The following TMPRSS11F variants were observed in gnomAD, a reference collection of about 807,000 sequenced individuals.
TMPRSS11F encodes the protein transmembrane serine protease 11F.
In TMPRSS11F, 47 loss-of-function variants were observed where a neutral mutation model predicts 60.2. The ratio of observed to expected loss-of-function variants is 0.78; its 90% CI spans 0.62 to 1.00. TMPRSS11F has a LOEUF of 1.00. Among genes scored for constraint, TMPRSS11F ranks in the 50% least tolerant of loss-of-function variants. TMPRSS11F has a pLI of 0.00. For missense variants in TMPRSS11F, 519 were observed against 522.9 expected, an observed-to-expected ratio of 0.99 and a Z score of 0.07; for synonymous variants, 166 against 167.3, an observed-to-expected ratio of 0.99 and a Z score of 0.06.
chr4:68,071,708 T>A lies in TMPRSS11F; in HGVS notation c.514+615A>T, dbSNP rs372579682. ...TTTCCTAAACTTTTTGAACTTCCTT[T>A]TCTTCCGCTTTGGAAGGAAAACAAA... is the stretch of plus-strand genomic sequence containing the variant. On this transcript the variant is annotated intron_variant, in intron 5 of 9. Coordinates refer to ENST00000356291, the MANE Select transcript of TMPRSS11F (RefSeq NM_207407.2). Among the ~76,000 whole-genome samples, 36 of 152,310 alleles carry A rather than the reference T, an allele frequency of 2.4e-4. No individual in the cohort carries two copies. In the East Asian group the frequency reaches 5.2e-3, roughly 22 times the overall value.
intron 9 of TMPRSS11F, among the ~76,000 whole-genome samples, chr4:68,058,485 C>A (rs951311855): frequency 1.3e-5 from 2 of 152,126 alleles, no homozygotes; most frequent in Non-Finnish European, 2.9e-5. Context: ...TGAAAAAAGA[C>A]TTTTTCATTC....
chr4:68,128,938 C>T (rs1724765203), intron 1 of TMPRSS11F, among the ~76,000 whole-genome samples: 1 of 151,976 alleles, frequency 6.6e-6, no homozygotes, highest in Non-Finnish European at 1.5e-5. Context: ...AGCCTACAGG[C>T]TTTAAGTATT....
At position 68,091,757 on chromosome 4, in the gene TMPRSS11F, C is replaced by CTATCTATCTA. The variant is rs1247094446; in HGVS notation, c.164-1117_164-1116insTAGATAGATA. Among the ~76,000 whole-genome samples the CTATCTATCTA allele has an allele frequency of 2.7e-3, 291 of 106,580 alleles. 2 individuals carry two copies. Among genetic ancestry groups the CTATCTATCTA allele is most frequent in the African/African-American group, 9.9e-3 (248 of 25,108 alleles). The allele number at this position is 106,580 out of a possible 152,430, so 69.9% of individuals were successfully genotyped here. On this transcript the variant is annotated intron_variant, in intron 2 of 9. Coordinates refer to ENST00000356291, the MANE Select transcript of TMPRSS11F (RefSeq NM_207407.2). ...CCCATTTAATCTCTAATCTCTCTCT[C>CTATCTATCTA]TCTCTCTCTCTCTCTCTCTCTCTCT...
At chr4:68,098,844 T>C in intron 2 of TMPRSS11F, 43 bp downstream of exon 2, 3 of 1,542,146 alleles carry the variant, frequency 1.9e-6, no homozygotes, top group South Asian at 2.5e-5. Flanking sequence ...AGATACGAAG[T>C]CATGGAGTAC....
At chr4:68,120,804 A>G (rs1472963013) in intron 1 of TMPRSS11F, among the ~76,000 whole-genome samples, 2 of 152,176 alleles carry the variant, frequency 1.3e-5, no homozygotes, top group Admixed American at 1.3e-4. Flanking sequence ...AGCAGCCATG[A>G]ATATTAAGGC....
At chr4:68,065,081 T>C (rs1723297332) in intron 7 of TMPRSS11F, 137 bp from the exon 8 acceptor site, 3 of 802,438 alleles carry the variant, frequency 3.7e-6, no homozygotes, top group Non-Finnish European at 5.6e-6. Flanking sequence ...GTTGATAACA[T>C]AATAGGAAAA....
At chr4:68,054,091 T>C in intron 9 of TMPRSS11F, 24 bp from the exon 10 acceptor site, 1 of 1,603,298 alleles carries the variant, frequency 6.2e-7, no homozygotes, top group Non-Finnish European at 8.5e-7. Flanking sequence ...ATATTTTAAA[T>C]TGTTAACTCT....
At chr4:68,100,534 A>T (rs559827371) in intron 1 of TMPRSS11F, among the ~76,000 whole-genome samples, 5 of 152,060 alleles carry the variant, frequency 3.3e-5, no homozygotes, top group Non-Finnish European at 7.4e-5. Flanking sequence ...TTGTTGAATG[A>T]TTGATCAGCT....
intron 4 of TMPRSS11F, 45 bp from the exon 5 acceptor site, chr4:68,072,531 T>A (rs1723503035): frequency 7.2e-7 from 1 of 1,390,370 alleles, no homozygotes; most frequent in African/African-American, 1.4e-5. Context: ...ATCTAATCAT[T>A]AATGACTTTA....
intron 3 of TMPRSS11F, among the ~76,000 whole-genome samples, chr4:68,083,062 C>T (rs1723738620): frequency 6.6e-6 from 1 of 152,198 alleles, no homozygotes; most frequent in Non-Finnish European, 1.5e-5. Context: ...AAACTGTGAG[C>T]CACGAGCACC....
At chr4:68,085,626 G>T (rs1354374566) in intron 3 of TMPRSS11F, among the ~76,000 whole-genome samples, 1 of 152,118 alleles carries the variant, frequency 6.6e-6, no homozygotes, top group Non-Finnish European at 1.5e-5. Flanking sequence ...GCATACAGTG[G>T]CAAGTTGGAT....
At chr4:68,116,750 G>A (rs895710428) in intron 1 of TMPRSS11F, among the ~76,000 whole-genome samples, 7 of 152,158 alleles carry the variant, frequency 4.6e-5, no homozygotes, top group Non-Finnish European at 7.3e-5. Context: ...ATAAAAGATA[G>A]TGTCCTCAAT....
intron 1 of TMPRSS11F, among the ~76,000 whole-genome samples, chr4:68,109,135 T>A (rs1274903621): frequency 2.0e-5 from 3 of 152,172 alleles, no homozygotes; most frequent in African/African-American, 4.8e-5. Context: ...ACATTCAAAA[T>A]GGATAAAATC....
chr4:68,110,017 T>TG (rs991336981), intron 1 of TMPRSS11F, among the ~76,000 whole-genome samples: 31 of 152,150 alleles, frequency 2.0e-4, no homozygotes, highest in African/African-American at 7.2e-4. Flanking sequence ...GCAGTAGCCT[T>TG]GGGGGGAAAT....
chr4:68,119,907 AC>A (rs1361504143), intron 1 of TMPRSS11F, among the ~76,000 whole-genome samples: 4 of 152,200 alleles, frequency 2.6e-5, no homozygotes, highest in Non-Finnish European at 5.9e-5. Context: ...GAAAGGATTT[AC>A]CATTCTAGAT....
At chr4:68,108,352 A>G (rs963494901) in intron 1 of TMPRSS11F, among the ~76,000 whole-genome samples, 6 of 152,218 alleles carry the variant, frequency 3.9e-5, no homozygotes, top group Non-Finnish European at 5.9e-5. Flanking sequence ...ATGGAACTCT[A>G]GTGTATAACA....
chr4:68,078,954 G>A (rs1723639867), intron 3 of TMPRSS11F, among the ~76,000 whole-genome samples: 1 of 151,678 alleles, frequency 6.6e-6, no homozygotes, highest in African/African-American at 2.4e-5. Context: ...AGGATTAGGA[G>A]TCTTATTATA....
At chr4:68,065,058 G>A (rs1723296878) in intron 7 of TMPRSS11F, 114 bp from the exon 8 acceptor site, 2 of 1,101,082 alleles carry the variant, frequency 1.8e-6, no homozygotes, top group Non-Finnish European at 2.5e-6. Flanking sequence ...TTCTTTTGGT[G>A]AGAAAGTTTG....
chr4:68,126,549 C>T (rs989303034), intron 1 of TMPRSS11F, among the ~76,000 whole-genome samples: 6 of 152,124 alleles, frequency 3.9e-5, no homozygotes, highest in African/African-American at 7.2e-5. Flanking sequence ...ACATAATAAA[C>T]GGTAAAACTT....
Sources: allele counts gnomAD v4.1 joint callset (sites outside exome capture counted in the v4.1 genomes callset), GRCh38; gene constraint gnomAD v4.1.1; transcripts MANE v1.5; gene names NCBI Gene and HGNC (gene_info 2026-07-23, HGNC 2026-07-21).